The following PRTFDC1 variants were observed in gnomAD, a reference collection of about 807,000 sequenced individuals.
PRTFDC1 encodes phosphoribosyl transferase domain containing 1.
In PRTFDC1, 38 loss-of-function variants were observed where a neutral mutation model predicts 34.6. The ratio of observed to expected loss-of-function variants is 1.10; its 90% CI spans 0.85 to 1.44. The LOEUF (loss-of-function observed/expected upper bound fraction) is 1.44, where lower values mean the gene tolerates loss of function less well. PRTFDC1 is among the 40% of genes most tolerant of loss of function. PRTFDC1 has a pLI of 0.00. For synonymous variants in PRTFDC1, 93 were observed against 98.1 expected (o/e 0.95, Z 0.31); for missense variants, 270 against 283.0 (o/e 0.95, Z 0.33).
chr10:24,877,971 T>C lies in PRTFDC1; in HGVS notation c.340-5908A>G, dbSNP rs375250398. Among the ~76,000 whole-genome samples the C allele has an allele frequency of 2.6e-5, 4 of 151,860 alleles. No homozygotes were observed. The South Asian group carries it at 8.4e-4, about 32-fold the overall frequency. ...TTTGCAAATGAAGAAACAGAGACAA[T>C]AAGAGTTTAAGAAACTTTCCCAAAG... On this transcript the variant is annotated intron_variant, in intron 3 of 8. Coordinates refer to ENST00000320152, the MANE Select transcript of PRTFDC1 (RefSeq NM_020200.7).
chr10:24,869,630 A>G (rs776370641), intron 4 of PRTFDC1, among the ~76,000 whole-genome samples: 9 of 152,226 alleles, frequency 5.9e-5, no homozygotes, highest in Admixed American at 2.6e-4. Flanking sequence ...GAAGGCCTTT[A>G]TCTTTTTTAA....
Position 24,951,465 on chromosome 10 carries a change from C to T in PRTFDC1, c.48+1063G>A, listed in dbSNP as rs1244729867. The T allele has an allele frequency of 7.2e-6, 5 of 694,298 alleles. No individual in the cohort carries two copies. The Admixed American group carries it at 1.9e-4, about 26-fold the overall frequency. The allele number at this position is 694,298 out of a possible 1,614,324, so 43.0% of individuals were successfully genotyped here. A position where few individuals can be genotyped will look rare whatever the true frequency, so the allele number is the denominator to read the frequency against. ...CCTCATCCTTTCAGAAGGAAAGGTC[C>T]TGCTGTTAAATTAAGCACTGAGCCC... On this transcript the variant is annotated intron_variant, in intron 1 of 8. Transcript: ENST00000320152.
At chr10:24,871,870 C>T (rs1358674744) in intron 4 of PRTFDC1, 128 bp downstream of exon 4, 7 of 709,114 alleles carry the variant, frequency 9.9e-6, no homozygotes, top group East Asian at 5.4e-5. Flanking sequence ...AAAGGATTCA[C>T]GCAGCCATTT....
chr10:24,886,433 G>A (rs76229218), intron 3 of PRTFDC1, among the ~76,000 whole-genome samples: 3 of 152,094 alleles, frequency 2.0e-5, no homozygotes, highest in African/African-American at 7.2e-5. Flanking sequence ...TTTCACATAC[G>A]ACCCCATCTT....
In PRTFDC1 at chr10:24,848,776, A is replaced by G. The variant is rs1210136211; in HGVS notation, c.*1068T>C. On this transcript the variant is annotated 3_prime_UTR_variant, in exon 9 of 9. Coordinates refer to ENST00000320152, the MANE Select transcript of PRTFDC1 (RefSeq NM_020200.7). Reference sequence around the variant, plus strand: ...AAAAAAACAGCTCTATTGGGACTCAAGTTTATTTTCAATTAAAATCCCCAT... The same window carrying G: ...AAAAAAACAGCTCTATTGGGACTCAGGTTTATTTTCAATTAAAATCCCCAT... The G allele has an allele frequency of 1.3e-5, 2 of 152,210 alleles. No individual in the cohort carries two copies. The highest frequency in any genetic ancestry group is 3.8e-4 in the East Asian group (2 of 5,200). 9.4% of individuals were successfully genotyped at this position (152,210 alleles called of 1,614,324 possible).
intron 3 of PRTFDC1, among the ~76,000 whole-genome samples, chr10:24,923,341 C>T (rs1848819644): frequency 6.6e-6 from 1 of 152,246 alleles, no homozygotes; most frequent in African/African-American, 2.4e-5. Flanking sequence ...GACAGACTGC[C>T]TCCTCAATTG....
chr10:24,952,424 G>A lies in PRTFDC1; in HGVS notation c.48+104C>T. 7.7e-7 allele frequency: 1 copy of A among 1,301,462 alleles called. No individual in the cohort carries two copies. The highest frequency in any genetic ancestry group is 1.3e-5 in the South Asian group (1 of 77,582). The allele number at this position is 1,301,462 out of a possible 1,614,324, so 80.6% of individuals were successfully genotyped here. On this transcript the variant is annotated intron_variant, in intron 1 of 8. Transcript: ENST00000320152. This position sits in a 1 kb window ranked among gnomAD's most constrained non-coding sequence, Gnocchi z 5.1. Reference sequence around the variant, plus strand: ...CCGCCGGGAGGGAGAACAAAGCGGTGGCCCTCTCTCTCCCCCGACGCACGG... The same window carrying A: ...CCGCCGGGAGGGAGAACAAAGCGGTAGCCCTCTCTCTCCCCCGACGCACGG...
In PRTFDC1 at chr10:24,898,286, CAA is replaced by C. The variant is rs34691185; in HGVS notation, c.340-26225_340-26224del. Among the ~76,000 whole-genome samples the C allele has an allele frequency of 2.6e-3, 197 of 75,184 alleles. 3 individuals are homozygous for C. Among genetic ancestry groups the C allele is most frequent in the Non-Finnish European group, 1.9e-3 (78 of 40,978 alleles). The allele number at this position is 75,184 out of a possible 152,430, so 49.3% of individuals were successfully genotyped here. On this transcript the variant is annotated intron_variant, in intron 3 of 8. Transcript: ENST00000320152. ...GAAACATGGGGAAATCCCGTCTCTA[CAA>C]AAAAAAAAAAAAAAAAAACACAAAA...
intron 2 of PRTFDC1, among the ~76,000 whole-genome samples, chr10:24,939,263 T>G (rs1849107959): frequency 1.4e-5 from 2 of 145,168 alleles, no homozygotes; most frequent in Middle Eastern, 3.7e-3. Context: ...ACTGTGCTAT[T>G]GCACTCCAGT....
intron 3 of PRTFDC1, among the ~76,000 whole-genome samples, chr10:24,910,369 A>C (rs1400175097): frequency 6.6e-6 from 1 of 152,226 alleles, no homozygotes; most frequent in African/African-American, 2.4e-5. Flanking sequence ...ACCACAAGTA[A>C]GTCATCTAAC....
At chr10:24,942,936 C>A (rs1352116058) in intron 1 of PRTFDC1, among the ~76,000 whole-genome samples, 1 of 152,116 alleles carries the variant, frequency 6.6e-6, no homozygotes, top group Non-Finnish European at 1.5e-5. Flanking sequence ...GCATGAGCCA[C>A]CACACCTGGC....
intron 5 of PRTFDC1, among the ~76,000 whole-genome samples, chr10:24,857,892 TA>T (rs1020231815): frequency 6.6e-6 from 1 of 151,680 alleles, no homozygotes; most frequent in African/African-American, 2.4e-5. Context: ...AAACAAAAGT[TA>T]AAAAAAACGA....
intron 3 of PRTFDC1, 123 bp from the exon 4 acceptor site, chr10:24,872,186 ATAGGGATTCATGGTTGCC>A (rs1213565751): frequency 6.3e-6 from 5 of 790,374 alleles, no homozygotes; most frequent in Non-Finnish European, 1.0e-5. Flanking sequence ...CAAATAGCTA[ATAGGGATTCATGGTTGCC>A]TATGGTTACC....
At chr10:24,938,365 A>G (rs1263781375) in intron 2 of PRTFDC1, among the ~76,000 whole-genome samples, 1 of 152,240 alleles carries the variant, frequency 6.6e-6, no homozygotes, top group Non-Finnish European at 1.5e-5. Context: ...AACCAAAGGC[A>G]TACAACAAAC....
rs56835819 is a variant in PRTFDC1, at chr10:24,921,714, GAA to G, written c.339+15468_339+15469del. 2.8e-3 allele frequency among the ~76,000 whole-genome samples: 345 copies of G among 125,144 alleles called. 2 individuals are homozygous for G. Among genetic ancestry groups the G allele is most frequent in the African/African-American group, 3.3e-3 (114 of 34,206 alleles). 82.1% of individuals were successfully genotyped at this position (125,144 alleles called of 152,430 possible). ...GTTTGAGTTCATTTCTGTTCTCTAGGAAAAAAAAAAAAAAAAAGCTAGGCAAA... is the reference window on the plus strand; with the variant it reads ...GTTTGAGTTCATTTCTGTTCTCTAGGAAAAAAAAAAAAAAAGCTAGGCAAA... On this transcript the variant is annotated intron_variant, in intron 3 of 8. Transcript: ENST00000320152.
intron 6 of PRTFDC1, among the ~76,000 whole-genome samples, chr10:24,855,861 G>A (rs10828710): frequency 0.33 from 50,630 of 151,938 alleles, 9,841 homozygotes; most frequent in Middle Eastern, 0.48. Context: ...AGTAGCTCAT[G>A]CTTGTAATTC....
chr10:24,933,775 C>CCTCT (rs2132602626), intron 3 of PRTFDC1, among the ~76,000 whole-genome samples: 1 of 151,366 alleles, frequency 6.6e-6, no homozygotes, highest in African/African-American at 2.4e-5. Flanking sequence ...CTCACTGCAA[C>CCTCT]CTCTGCCTCC....
intron 3 of PRTFDC1, among the ~76,000 whole-genome samples, chr10:24,911,792 A>C (rs1848630689): frequency 6.6e-6 from 1 of 152,098 alleles, no homozygotes; most frequent in Non-Finnish European, 1.5e-5. Context: ...ACTTGAACCC[A>C]GGAGGCGGAG....
At chr10:24,882,660 A>G (rs1354950808) in intron 3 of PRTFDC1, among the ~76,000 whole-genome samples, 2 of 151,934 alleles carry the variant, frequency 1.3e-5, no homozygotes, top group African/African-American at 4.8e-5. Context: ...CCTCCTTAAT[A>G]TATACTTTTT....
Sources: gnomAD v4.1 joint callset for allele counts (sites outside exome capture counted in the v4.1 genomes callset) on GRCh38, gnomAD v4.1.1 for gene constraint, Gnocchi (gnomAD v3.1) non-coding constraint, MANE v1.5 for transcripts, NCBI Gene and HGNC (gene_info 2026-07-23, HGNC 2026-07-21) for gene names.